Variants in RNF126 observed in about 807,000 individuals in gnomAD.
The protein encoded by RNF126 is ring finger protein 126, also known as E3 ubiquitin-protein ligase RNF126.
A neutral mutation model predicts 41.9 loss-of-function variants in RNF126; 20 were observed. The ratio of observed to expected loss-of-function variants is 0.48; its 90% confidence interval spans 0.34 to 0.69. RNF126 has a LOEUF of 0.69. Ranked by LOEUF, RNF126 falls within the 30% of genes least tolerant of loss-of-function variation. The pLI, the probability that RNF126 is intolerant of heterozygous loss-of-function variation, is 0.01. For synonymous variants in RNF126, 239 were observed against 202.9 expected (o/e 1.18, Z -1.51); for missense variants, 433 against 460.6 (o/e 0.94, Z 0.55).
At chr19:656,869 T>C (rs1427206555) in intron 1 of RNF126, among the ~76,000 whole-genome samples, 1 of 152,150 alleles carries the variant, frequency 6.6e-6, no homozygotes, top group Non-Finnish European at 1.5e-5. Flanking sequence ...TCTGCCGGTG[T>C]CGGGTCTATC....
rs756918548 is a variant in RNF126 at position 652,806 on chromosome 19, T to C, written c.134+20A>G. On this transcript the variant is annotated intron_variant, in intron 2 of 8. Coordinates refer to ENST00000292363, the MANE Select transcript of RNF126 (RefSeq NM_194460.3). Reference sequence around the variant, plus strand: ...GGCCCGGCTGGCTCTTCCAGCCTCTTCAACAGGGGGCTGCATTACCTGGTC... The same window carrying C: ...GGCCCGGCTGGCTCTTCCAGCCTCTCCAACAGGGGGCTGCATTACCTGGTC... 3.4e-5 allele frequency: 54 copies of C among 1,611,526 alleles called. No individual in the cohort carries two copies. Among genetic ancestry groups the C allele is most frequent in the Non-Finnish European group, 4.6e-5 (54 of 1,178,940 alleles).
At chr19:652,036 G>A in intron 3 of RNF126, 181 bp from the exon 4 acceptor site, 1 of 695,012 alleles carries the variant, frequency 1.4e-6, no homozygotes. Flanking sequence ...AGATGCCTCG[G>A]TGGAAGTTTC....
intron 1 of RNF126, among the ~76,000 whole-genome samples, chr19:656,174 T>C (rs1256860348): frequency 6.6e-6 from 1 of 151,994 alleles, no homozygotes; most frequent in Non-Finnish European, 1.5e-5. Flanking sequence ...GTGAATTATA[T>C]GGTGTGTGAA....
chr19:649,781 C>T (rs186863781), intron 5 of RNF126, 33 bp from the exon 6 acceptor site: 81 of 1,530,712 alleles, frequency 5.3e-5, no homozygotes, highest in Middle Eastern at 1.7e-4. Context: ...AAGTGGCTGA[C>T]GGGCAGCTGG....
At chr19:657,329 G>A (rs1600640382) in intron 1 of RNF126, among the ~76,000 whole-genome samples, 1 of 152,208 alleles carries the variant, frequency 6.6e-6, no homozygotes, top group South Asian at 2.1e-4. Flanking sequence ...GCTTTCTGTC[G>A]GGCTCCCGGG....
chr19:663,177 C>T lies in RNF126; in HGVS notation c.-56G>A. 1.2e-6 allele frequency: 1 copy of T among 834,400 alleles called. No individual in the cohort carries two copies. The highest frequency in any genetic ancestry group is 1.5e-6 in the Non-Finnish European group (1 of 655,422). The allele number at this position is 834,400 out of a possible 1,614,324, so 51.7% of individuals were successfully genotyped here. ...CCCCCGCGCGGCACCCGCCGCCGGC[C>T]GTTTGCTGCTCCCTCGCCGGCCGAC... On this transcript the variant is annotated 5_prime_UTR_variant, in exon 1 of 9. Transcript: ENST00000292363.
Position 650,303 on chromosome 19 carries a change from A to G in RNF126, c.444-7T>C, listed in dbSNP as rs200458687. On this transcript the variant is annotated splice_polypyrimidine_tract_variant and splice_region_variant and intron_variant, in intron 4 of 8. Coordinates refer to ENST00000292363, the MANE Select transcript of RNF126 (RefSeq NM_194460.3). The stretch of plus-strand genomic sequence containing the variant: ...GACGAGCTGCTGGATGATCCTGGAA[A>G]AGAGAGCGCCAGTCACGGGGTGAGG... 1.3e-5 allele frequency: 20 copies of G among 1,575,564 alleles called. No individual in the cohort carries two copies. The African/African-American group carries it at 2.5e-4, about 20-fold the overall frequency.
chr19:653,985 C>T (rs542693013), intron 1 of RNF126, among the ~76,000 whole-genome samples: 3 of 152,238 alleles, frequency 2.0e-5, no homozygotes, highest in South Asian at 2.1e-4. Flanking sequence ...CAGGTTGCAC[C>T]GGGGCTGTTC....
chr19:655,558 GCC>G (rs2030525951), intron 1 of RNF126, among the ~76,000 whole-genome samples: 1 of 152,022 alleles, frequency 6.6e-6, no homozygotes, highest in Admixed American at 6.6e-5. Flanking sequence ...GGTAAACGCA[GCC>G]GGCCAGCCCC....
chr19:660,257 G>A (rs2030739621), intron 1 of RNF126, among the ~76,000 whole-genome samples: 2 of 152,272 alleles, frequency 1.3e-5, no homozygotes, highest in African/African-American at 4.8e-5. Context: ...CCACTTGGCA[G>A]GTGAGGAGAC....
In RNF126 at chr19:663,117, G is replaced by A; in HGVS notation, c.5C>T (p.Ala2Val). M[A>V]EASPHPGRYF... ...CCGTCCGGGATGCGGCGACGCCTCG[G>A]CCATGGCCGCCGCCACCTACTCCGC... The change falls in exon 1 of 9, where the codon GCC becomes GTC. Residue 2 changes from alanine (A) to valine (V), a missense_variant. Transcript: ENST00000292363. 2 of 1,296,598 alleles carry A rather than the reference G, an allele frequency of 1.5e-6. No individual in the cohort carries two copies. The highest frequency in any genetic ancestry group is 3.4e-5 in the East Asian group (1 of 29,154). The allele number at this position is 1,296,598 out of a possible 1,614,324, so 80.3% of individuals were successfully genotyped here.
chr19:651,914 C>T (rs373953236), intron 3 of RNF126, 59 bp from the exon 4 acceptor site: 133 of 1,473,710 alleles, frequency 9.0e-5, no homozygotes, highest in Middle Eastern at 5.3e-4. Flanking sequence ...CTGCTGGGGG[C>T]GCTAGGGCAC....
chr19:651,904 C>T (rs913996764), intron 3 of RNF126, 49 bp from the exon 4 acceptor site: 3 of 1,528,112 alleles, frequency 2.0e-6, no homozygotes, highest in Non-Finnish European at 2.7e-6. Flanking sequence ...CCCGTGCAGT[C>T]TGCTGGGGGC....
chr19:650,597 T>TTC, intron 4 of RNF126: 1 of 230,426 alleles, frequency 4.3e-6, no homozygotes, highest in East Asian at 8.1e-5. Flanking sequence ...TTTTTTTTTT[T>TTC]TTTTTTTTTT....
At chr19:648,843 C>T in intron 7 of RNF126, 39 bp downstream of exon 7, 1 of 1,218,800 alleles carries the variant, frequency 8.2e-7, no homozygotes. Flanking sequence ...GCGGCGGGTG[C>T]CTGTAATTCC....
chr19:652,368 A>G, intron 2 of RNF126, 72 bp from the exon 3 acceptor site: 1 of 1,303,870 alleles, frequency 7.7e-7, no homozygotes, highest in Non-Finnish European at 1.1e-6. Flanking sequence ...CCTCCCCTCA[A>G]AAGCCTATGT....
chr19:662,584 G>A (rs1013072466), intron 1 of RNF126, among the ~76,000 whole-genome samples: 4 of 152,108 alleles, frequency 2.6e-5, no homozygotes, highest in Admixed American at 6.5e-5. Context: ...CTCGGCGGGG[G>A]TCCCCTGGCG....
At chr19:658,708 C>T (rs1269923716) in intron 1 of RNF126, among the ~76,000 whole-genome samples, 1 of 152,334 alleles carries the variant, frequency 6.6e-6, no homozygotes, top group African/African-American at 2.4e-5. Context: ...GAGGCGTGAG[C>T]GAAGCCACTG....
At chr19:656,573 G>C (rs917827954) in intron 1 of RNF126, among the ~76,000 whole-genome samples, 1 of 152,064 alleles carries the variant, frequency 6.6e-6, no homozygotes, top group African/African-American at 2.4e-5. Context: ...GCTTAAACCC[G>C]GCAGGCAGAG....
Sources: allele counts gnomAD v4.1 joint callset (sites outside exome capture counted in the v4.1 genomes callset), GRCh38; gene constraint gnomAD v4.1.1; transcripts MANE v1.5; gene names NCBI Gene and HGNC (gene_info 2026-07-23, HGNC 2026-07-21).